Variants in TMEM106B observed in about 807,000 individuals in gnomAD.
TMEM106B encodes the protein transmembrane protein 106B.
TMEM106B carries 15 observed loss-of-function variants against 31.1 expected under a neutral mutation model. The ratio of observed to expected loss-of-function variants is 0.48; its 90% CI spans 0.32 to 0.74. TMEM106B has a LOEUF of 0.74. TMEM106B is among the 30% of genes least tolerant of loss of function. The pLI is 0.03. For missense variants in TMEM106B, 283 were observed against 327.3 expected (o/e 0.86, Z 1.04); for synonymous variants, 126 against 112.5 (o/e 1.12, Z -0.76).
intron 4 of TMEM106B, among the ~76,000 whole-genome samples, chr7:12,227,452 C>T (rs1356002866): frequency 1.3e-5 from 2 of 152,014 alleles, no homozygotes; most frequent in African/African-American, 4.8e-5. Flanking sequence ...TAATCATTCT[C>T]ATGTGTAAAG....
chr7:12,221,108 G>GTC, intron 3 of TMEM106B, among the ~76,000 whole-genome samples: 1 of 152,040 alleles, frequency 6.6e-6, no homozygotes, highest in South Asian at 2.1e-4. Context: ...GTGTGTGTGT[G>GTC]TGTCTGTATC....
At position 12,240,958 on chromosome 7, in the gene TMEM106B, A is replaced by G. The variant is rs191565356; in HGVS notation, c.*8983A>G. ...GGTTTATGGGTGAAACATAATTTAT[A>G]ACTAGGCAAATGTCAGCTTAAATTT... On this transcript the variant is annotated 3_prime_UTR_variant, in exon 8 of 8. Coordinates refer to ENST00000396668, the MANE Select transcript of TMEM106B (RefSeq NM_001134232.2). 2 of 152,310 alleles carry G rather than the reference A, an allele frequency of 1.3e-5. No individual in the cohort carries two copies. The highest frequency in any genetic ancestry group is 3.9e-4 in the East Asian group (2 of 5,180). The allele number at this position is 152,310 out of a possible 1,614,324, so 9.4% of individuals were successfully genotyped here. A position where few individuals can be genotyped will look rare whatever the true frequency, so the allele number is the denominator to read the frequency against.
intron 4 of TMEM106B, among the ~76,000 whole-genome samples, chr7:12,228,915 G>C (rs1781958735): frequency 6.6e-6 from 1 of 151,740 alleles, no homozygotes; most frequent in African/African-American, 2.4e-5. Flanking sequence ...TTTTTGATTT[G>C]TTTATGTATG....
chr7:12,217,135 C>T (rs935780834), intron 2 of TMEM106B, among the ~76,000 whole-genome samples: 5 of 151,910 alleles, frequency 3.3e-5, no homozygotes, highest in Non-Finnish European at 7.4e-5. Flanking sequence ...ATTATTGGAG[C>T]AATGTTCTTG....
chr7:12,216,782 G>A (rs367760310), intron 2 of TMEM106B, among the ~76,000 whole-genome samples: 4 of 152,094 alleles, frequency 2.6e-5, no homozygotes, highest in African/African-American at 9.7e-5. Context: ...GTGACCAACT[G>A]TCATATGCTA....
At chr7:12,215,599 A>G (rs1264088108) in intron 2 of TMEM106B, 5 of 344,766 alleles carry the variant, frequency 1.5e-5, no homozygotes, top group Admixed American at 3.4e-5. Context: ...TTTTTTAATA[A>G]TAAGGATGGA....
chr7:12,223,493 CATT>C (rs1781828878), intron 3 of TMEM106B, among the ~76,000 whole-genome samples: 1 of 152,050 alleles, frequency 6.6e-6, no homozygotes, highest in African/African-American at 2.4e-5. Context: ...CCTTCCCCAT[CATT>C]ATTATTTCTA....
intron 2 of TMEM106B, chr7:12,215,665 G>T (rs1246057035): frequency 8.1e-6 from 3 of 368,268 alleles, no homozygotes; most frequent in East Asian, 1.8e-4. Flanking sequence ...CGATCATCCA[G>T]CCTTGGCCTC....
chr7:12,214,572 C>A (rs761322268), intron 1 of TMEM106B, among the ~76,000 whole-genome samples: 10 of 152,164 alleles, frequency 6.6e-5, no homozygotes, highest in Admixed American at 5.2e-4. Flanking sequence ...ATTTCTGTCT[C>A]CAAAATGTAT....
At chr7:12,218,575 A>G (rs1781731551) in intron 3 of TMEM106B, 54 bp downstream of exon 3, 2 of 1,450,554 alleles carry the variant, frequency 1.4e-6, no homozygotes, top group East Asian at 2.4e-5. Flanking sequence ...TGTTTTTTGT[A>G]TTTTTTCAAA....
intron 2 of TMEM106B, among the ~76,000 whole-genome samples, chr7:12,217,582 C>T (rs1436162331): frequency 6.6e-6 from 1 of 151,978 alleles, no homozygotes; most frequent in Non-Finnish European, 1.5e-5. Context: ...TTGGTTTTAA[C>T]CAGGGTTGTA....
In TMEM106B at chr7:12,236,971, TATATA is replaced by T. The variant is rs1460615790; in HGVS notation, c.*5000_*5004del. ...CTAGATTCTAATCCTTGATTCTAGT[TATATA>T]ATAAATAATATAGAATATGAAAATA... On this transcript the variant is annotated 3_prime_UTR_variant, in exon 8 of 8. Transcript: ENST00000396668. 1 of 152,038 alleles carries T rather than the reference TATATA, an allele frequency of 6.6e-6. No homozygotes were observed. Among genetic ancestry groups the T allele is most frequent in the Non-Finnish European group, 1.5e-5 (1 of 67,950 alleles). 9.4% of individuals were successfully genotyped at this position (152,038 alleles called of 1,614,324 possible). A position where few individuals can be genotyped will look rare whatever the true frequency, so the allele number is the denominator to read the frequency against.
Position 12,211,934 on chromosome 7 carries a change from C to A in TMEM106B, c.-3+509C>A, listed in dbSNP as rs7781670. Among the ~76,000 whole-genome samples, 12 of 152,060 alleles carry A rather than the reference C, an allele frequency of 7.9e-5. No individual in the cohort carries two copies. In the East Asian group the frequency reaches 1.9e-3, roughly 25 times the overall value. On this transcript the variant is annotated intron_variant, in intron 1 of 7. Coordinates refer to ENST00000396668, the MANE Select transcript of TMEM106B (RefSeq NM_001134232.2). The stretch of plus-strand genomic sequence containing the variant: ...GATATCCATGTTGACTTTCAGTAAA[C>A]TAAGGAACCGCTATAATAAATAACA...
rs1457895602 is a variant in TMEM106B at position 12,241,765 on chromosome 7, C to G, written c.*9790C>G. Reference sequence around the variant, plus strand: ...GATTTATAATCTTTTGGGTATACACCCAGTAATGGGATTGCTGGGTCAAAT... The same window carrying G: ...GATTTATAATCTTTTGGGTATACACGCAGTAATGGGATTGCTGGGTCAAAT... On this transcript the variant is annotated 3_prime_UTR_variant, in exon 8 of 8. Transcript: ENST00000396668. 6.6e-6 allele frequency: 1 copy of G among 152,006 alleles called. No individual in the cohort carries two copies. The highest frequency in any genetic ancestry group is 2.4e-5 in the African/African-American group (1 of 41,346). The allele number at this position is 152,006 out of a possible 1,614,324, so 9.4% of individuals were successfully genotyped here.
intron 3 of TMEM106B, among the ~76,000 whole-genome samples, chr7:12,219,702 A>G (rs1781750959): frequency 6.6e-6 from 1 of 152,210 alleles, no homozygotes; most frequent in South Asian, 2.1e-4. Flanking sequence ...AAACATTTCC[A>G]CAAAACTGGA....
At position 12,211,336 on chromosome 7, in the gene TMEM106B, C is replaced by A. The variant is rs976724754; in HGVS notation, c.-92C>A. 30 of 152,536 alleles carry A rather than the reference C, an allele frequency of 2.0e-4. No homozygotes were observed. Among genetic ancestry groups the A allele is most frequent in the African/African-American group, 7.0e-4 (29 of 41,598 alleles). The allele number at this position is 152,536 out of a possible 1,614,324, so 9.4% of individuals were successfully genotyped here. Reference sequence around the variant, plus strand: ...GCGCTCCAGGCCGGTCGCTCCACCCCCCGGCTCCCGGGACTGTGGACTCCA... The same window carrying A: ...GCGCTCCAGGCCGGTCGCTCCACCCACCGGCTCCCGGGACTGTGGACTCCA... On this transcript the variant is annotated 5_prime_UTR_variant, in exon 1 of 8. Transcript: ENST00000396668.
At chr7:12,213,010 C>T (rs1470671574) in intron 1 of TMEM106B, among the ~76,000 whole-genome samples, 3 of 152,184 alleles carry the variant, frequency 2.0e-5, no homozygotes, top group Non-Finnish European at 4.4e-5. Context: ...CAGGAAAATA[C>T]CAGCAGGGTG....
chr7:12,221,658 G>A (rs1227729327), intron 3 of TMEM106B, among the ~76,000 whole-genome samples: 1 of 152,194 alleles, frequency 6.6e-6, no homozygotes. Flanking sequence ...CCCTGTGATT[G>A]TACCAGCTTA....
chr7:12,222,807 C>A (rs1325792114), intron 3 of TMEM106B, among the ~76,000 whole-genome samples: 1 of 152,116 alleles, frequency 6.6e-6, no homozygotes, highest in African/African-American at 2.4e-5. Flanking sequence ...TTTTAATAAA[C>A]CAGTTTGCTC....
Sources: gnomAD v4.1 joint callset for allele counts (sites outside exome capture counted in the v4.1 genomes callset) on GRCh38, gnomAD v4.1.1 for gene constraint, MANE v1.5 for transcripts, NCBI Gene and HGNC (gene_info 2026-07-23, HGNC 2026-07-21) for gene names.